The following ATP5F1C variants were observed in gnomAD, a reference collection of about 807,000 sequenced individuals.
ATP5F1C encodes ATP synthase F1 subunit gamma.
In ATP5F1C, 22 loss-of-function variants were observed where a neutral mutation model predicts 37.4. That is an observed-to-expected ratio of 0.59 (90% CI 0.42 to 0.84). The LOEUF (loss-of-function observed/expected upper bound fraction) is 0.84. Ranked by LOEUF, ATP5F1C falls within the 40% of genes least tolerant of loss-of-function variation. The probability of loss-of-function intolerance (pLI) is 0.00; values close to 1 mark genes in which losing one functional copy is unlikely to be tolerated. For missense variants in ATP5F1C, 286 were observed against 362.4 expected, an observed-to-expected ratio of 0.79 and a Z score of 1.71; for synonymous variants, 121 against 128.0, an observed-to-expected ratio of 0.95 and a Z score of 0.37.
chr10:7,800,458 G>A (rs1836337627), intron 6 of ATP5F1C, among the ~76,000 whole-genome samples: 1 of 151,146 alleles, frequency 6.6e-6, no homozygotes, highest in African/African-American at 2.4e-5. Context: ...GCCTCCCAAA[G>A]TGCTGGGATT....
chr10:7,803,260 AATCATTAT>A (rs1588503382), intron 8 of ATP5F1C, among the ~76,000 whole-genome samples: 2 of 152,020 alleles, frequency 1.3e-5, no homozygotes, highest in East Asian at 3.9e-4. Flanking sequence ...TATGTTTTTT[AATCATTAT>A]GTTTTCTATA....
chr10:7,795,423 A>T (rs976625636), intron 1 of ATP5F1C, among the ~76,000 whole-genome samples: 1 of 152,208 alleles, frequency 6.6e-6, no homozygotes, highest in Non-Finnish European at 1.5e-5. Context: ...GAATTCTCTC[A>T]TATTCATCTT....
intron 9 of ATP5F1C, 89 bp downstream of exon 9, chr10:7,807,099 C>T: frequency 1.6e-6 from 2 of 1,290,070 alleles, no homozygotes; most frequent in Non-Finnish European, 2.1e-6. Context: ...TAGAATTGTC[C>T]TCTGAGAGAT....
intron 1 of ATP5F1C, among the ~76,000 whole-genome samples, chr10:7,790,071 A>G (rs983899982): frequency 6.6e-6 from 1 of 152,140 alleles, no homozygotes; most frequent in African/African-American, 2.4e-5. Flanking sequence ...CTGGTGCTTA[A>G]TGTCTTTCCT....
intron 3 of ATP5F1C, 34 bp from the exon 4 acceptor site, chr10:7,798,956 T>TA (rs1836295065): frequency 6.4e-7 from 1 of 1,570,892 alleles, no homozygotes; most frequent in Admixed American, 1.7e-5. Flanking sequence ...GTGTATTGCA[T>TA]ATAAAAAAAT....
chr10:7,799,114 C>A lies in ATP5F1C; in HGVS notation c.348C>A (p.Ser116Arg), dbSNP rs760020061. The A allele has an allele frequency of 1.9e-6, 3 of 1,613,804 alleles. No homozygotes were observed. The East Asian group carries it at 6.7e-5, about 36-fold the overall frequency. Residue 116 changes from serine (S) to arginine (R), a missense_variant, in exon 4 of 10, where the codon AGC becomes AGA. Physicochemically the swap from Ser to Arg is moderately radical, Grantham distance 110. Coordinates refer to ENST00000356708, the MANE Select transcript of ATP5F1C (RefSeq NM_001001973.3). ...IHSSIAKQMK[S>R]EVATLTAAGK... ...CCTCCATTGCTAAACAGATGAAAAG[C>A]GAGGTTGCTACACTAACAGCAGCTG... is the stretch of plus-strand genomic sequence containing the variant.
At chr10:7,795,026 C>T (rs991186275) in intron 1 of ATP5F1C, among the ~76,000 whole-genome samples, 12 of 152,186 alleles carry the variant, frequency 7.9e-5, no homozygotes, top group Non-Finnish European at 1.8e-4. Flanking sequence ...CCTCATTTTA[C>T]GCTTGTCACT....
At chr10:7,804,116 G>T in intron 8 of ATP5F1C, 1 of 518,994 alleles carries the variant, frequency 1.9e-6, no homozygotes, top group Non-Finnish European at 3.8e-6. Flanking sequence ...ACTGTGGCCT[G>T]GAGCTAAGAA....
intron 6 of ATP5F1C, among the ~76,000 whole-genome samples, chr10:7,801,989 C>T (rs759030924): frequency 6.6e-5 from 10 of 152,232 alleles, no homozygotes; most frequent in South Asian, 2.1e-4. Flanking sequence ...TTCATAACCA[C>T]GAGATATAGT....
At position 7,796,175 on chromosome 10, in the gene ATP5F1C, C is replaced by A; in HGVS notation, c.91+20C>A. The A allele has an allele frequency of 6.4e-7, 1 of 1,571,606 alleles. No homozygotes were observed. The highest frequency in any genetic ancestry group is 1.2e-5 in the South Asian group (1 of 83,324). ...AAGATAGTAAGTATGTTGTTTGTCT[C>A]AATATGTGAATTGAGAAAAACTAAA... On this transcript the variant is annotated intron_variant, in intron 2 of 9. Coordinates refer to ENST00000356708, the MANE Select transcript of ATP5F1C (RefSeq NM_001001973.3).
At chr10:7,789,662 T>C (rs569563053) in intron 1 of ATP5F1C, among the ~76,000 whole-genome samples, 2 of 152,322 alleles carry the variant, frequency 1.3e-5, no homozygotes, top group South Asian at 4.1e-4. Context: ...TGGCATGCAG[T>C]GGTGCTCTGC....
At chr10:7,803,014 G>T (rs1836401157) in intron 8 of ATP5F1C, among the ~76,000 whole-genome samples, 160 bp downstream of exon 8, 1 of 152,084 alleles carries the variant, frequency 6.6e-6, no homozygotes, top group South Asian at 2.1e-4. Flanking sequence ...TGGTAAAAAT[G>T]GGACCTCTTT....
chr10:7,793,250 T>C (rs1413389704), intron 1 of ATP5F1C, among the ~76,000 whole-genome samples: 3 of 152,228 alleles, frequency 2.0e-5, no homozygotes, highest in African/African-American at 7.2e-5. Flanking sequence ...TAGCTGGGAT[T>C]ACAGGTGCCC....
chr10:7,795,403 ATTAGGCC>A (rs1836221826), intron 1 of ATP5F1C, among the ~76,000 whole-genome samples: 1 of 152,158 alleles, frequency 6.6e-6, no homozygotes, highest in African/African-American at 2.4e-5. Flanking sequence ...GTCTTCCCCC[ATTAGGCC>A]AGGAATTCTC....
intron 8 of ATP5F1C, among the ~76,000 whole-genome samples, chr10:7,806,654 C>T (rs1230430428): frequency 7.9e-6 from 1 of 126,730 alleles, no homozygotes; most frequent in Admixed American, 7.7e-5. Context: ...ACTCCATCTC[C>T]AAAAAAAAAA....
chr10:7,790,696 C>T (rs1836148843), intron 1 of ATP5F1C, among the ~76,000 whole-genome samples: 1 of 152,194 alleles, frequency 6.6e-6, no homozygotes, highest in South Asian at 2.1e-4. Flanking sequence ...ACTCTGTAGC[C>T]AGCCCTGAAG....
chr10:7,799,944 T>TTTA (rs1460269880), intron 5 of ATP5F1C, 29 bp downstream of exon 5: 2 of 1,606,114 alleles, frequency 1.2e-6, no homozygotes, highest in East Asian at 2.2e-5. Flanking sequence ...TCAAAGCTTT[T>TTTA]TTATGTTCAT....
At chr10:7,804,077 A>G in intron 8 of ATP5F1C, 8 of 518,988 alleles carry the variant, frequency 1.5e-5, no homozygotes, top group South Asian at 1.1e-4. Context: ...ACACTAAATA[A>G]GAAGTCACAG....
chr10:7,795,692 T>C (rs997798549), intron 1 of ATP5F1C, among the ~76,000 whole-genome samples: 1 of 152,226 alleles, frequency 6.6e-6, no homozygotes, highest in Non-Finnish European at 1.5e-5. Flanking sequence ...GTAGTCATGT[T>C]CGACTATATC....
Sources: allele counts gnomAD v4.1 joint callset (sites outside exome capture counted in the v4.1 genomes callset), GRCh38; gene constraint gnomAD v4.1.1; transcripts MANE v1.5; gene names NCBI Gene and HGNC (gene_info 2026-07-23, HGNC 2026-07-21).